The following SLC35F1 variants were observed in gnomAD, a reference collection of about 807,000 sequenced individuals.
SLC35F1 encodes chromosome 6 open reading frame 169.
SLC35F1 carries 14 observed loss-of-function variants against 48.7 expected under a neutral mutation model. The ratio of observed to expected loss-of-function variants is 0.29; its 90% CI spans 0.19 to 0.45. The LOEUF (loss-of-function observed/expected upper bound fraction) is 0.45. Ranked by LOEUF, SLC35F1 falls within the 20% of genes least tolerant of loss-of-function variation. The probability of loss-of-function intolerance (pLI) is 1.00; values close to 1 mark genes in which losing one functional copy is unlikely to be tolerated. For missense variants in SLC35F1, 404 were observed against 500.0 expected, an observed-to-expected ratio of 0.81 and a Z score of 1.83; for synonymous variants, 190 against 202.2, an observed-to-expected ratio of 0.94 and a Z score of 0.51.
At chr6:117,995,114 A>G (rs970314612) in intron 1 of SLC35F1, among the ~76,000 whole-genome samples, 10 of 152,226 alleles carry the variant, frequency 6.6e-5, no homozygotes, top group Non-Finnish European at 1.3e-4. Flanking sequence ...TACTACTAGA[A>G]TAATAACAGA....
intron 1 of SLC35F1, among the ~76,000 whole-genome samples, chr6:118,083,633 A>G (rs1716093164): frequency 6.6e-6 from 1 of 152,236 alleles, no homozygotes; most frequent in African/African-American, 2.4e-5. Context: ...AGGTCAAAAA[A>G]TAATTTAGTA....
At chr6:118,156,363 G>A (rs933456197) in intron 2 of SLC35F1, among the ~76,000 whole-genome samples, 2 of 152,144 alleles carry the variant, frequency 1.3e-5, no homozygotes, top group Non-Finnish European at 2.9e-5. Context: ...TCGGGGTGCA[G>A]CTTGGTTTTA....
intron 1 of SLC35F1, among the ~76,000 whole-genome samples, chr6:118,099,555 A>G (rs1201023847): frequency 6.8e-6 from 1 of 148,114 alleles, no homozygotes. Context: ...TCCTATACTC[A>G]GTGGTTACCA....
intron 2 of SLC35F1, among the ~76,000 whole-genome samples, chr6:118,183,147 A>G (rs1425304073): frequency 2.6e-5 from 4 of 152,186 alleles, no homozygotes; most frequent in Non-Finnish European, 2.9e-5. Flanking sequence ...AAATACCACT[A>G]GCAGTAAAGT....
At chr6:118,117,899 A>G (rs1009639060) in intron 1 of SLC35F1, among the ~76,000 whole-genome samples, 1 of 152,118 alleles carries the variant, frequency 6.6e-6, no homozygotes, top group Non-Finnish European at 1.5e-5. Flanking sequence ...GTGTTGTTGT[A>G]TGCATTACTA....
chr6:118,142,106 T>A (rs1454218989), intron 1 of SLC35F1, among the ~76,000 whole-genome samples: 1 of 152,216 alleles, frequency 6.6e-6, no homozygotes, highest in Non-Finnish European at 1.5e-5. Flanking sequence ...CTTAGGTTTA[T>A]AATCTGCCTG....
chr6:118,188,002 T>A (rs1003664794), intron 2 of SLC35F1, among the ~76,000 whole-genome samples: 2 of 152,252 alleles, frequency 1.3e-5, no homozygotes, highest in Non-Finnish European at 2.9e-5. Context: ...TAATACTGAA[T>A]GTGATTGCTT....
intron 1 of SLC35F1, among the ~76,000 whole-genome samples, chr6:118,102,825 A>G (rs1421262939): frequency 6.6e-6 from 1 of 152,218 alleles, no homozygotes; most frequent in Non-Finnish European, 1.5e-5. Context: ...ATCCTGAAGG[A>G]AAGCTGTAAA....
At chr6:118,280,435 C>T (rs1271631987) in intron 6 of SLC35F1, among the ~76,000 whole-genome samples, 1 of 152,104 alleles carries the variant, frequency 6.6e-6, no homozygotes. Context: ...CAGGGGCCTT[C>T]TTCACTTTTG....
intron 3 of SLC35F1, among the ~76,000 whole-genome samples, chr6:118,259,288 T>C (rs2114612262): frequency 6.6e-6 from 1 of 152,048 alleles, no homozygotes; most frequent in South Asian, 2.1e-4. Flanking sequence ...ATTGAACAAG[T>C]AAATAGCCAC....
intron 3 of SLC35F1, among the ~76,000 whole-genome samples, chr6:118,257,990 T>G (rs559641115): frequency 5.9e-4 from 90 of 152,300 alleles, no homozygotes; most frequent in African/African-American, 2.1e-3. Flanking sequence ...ATGTACTAAC[T>G]TTATTACACT....
intron 1 of SLC35F1, among the ~76,000 whole-genome samples, chr6:118,145,395 C>T (rs982336739): frequency 2.6e-5 from 4 of 152,062 alleles, no homozygotes; most frequent in African/African-American, 9.7e-5. Context: ...CTAAACTTTG[C>T]AAAGAAATAG....
intron 1 of SLC35F1, among the ~76,000 whole-genome samples, chr6:118,071,029 C>CGTGT (rs143774264): frequency 7.4e-4 from 6 of 8,102 alleles, no homozygotes; most frequent in African/African-American, 3.5e-3. Flanking sequence ...ATATATTCTA[C>CGTGT]GTGTATATAT....
intron 1 of SLC35F1, among the ~76,000 whole-genome samples, chr6:118,080,930 A>T (rs1772898241): frequency 6.6e-6 from 1 of 152,132 alleles, no homozygotes. Flanking sequence ...TGAAAATACT[A>T]ACTGCCAGCC....
chr6:118,038,346 G>C (rs978485548), intron 1 of SLC35F1, among the ~76,000 whole-genome samples: 2 of 151,374 alleles, frequency 1.3e-5, no homozygotes, highest in Admixed American at 1.3e-4. Context: ...AAACAACTTT[G>C]TTTAGCATTT....
chr6:118,262,911 A>T (rs187777969), intron 3 of SLC35F1, among the ~76,000 whole-genome samples: 72 of 151,754 alleles, frequency 4.7e-4, no homozygotes, highest in Non-Finnish European at 5.9e-4. Context: ...ATATAATGAG[A>T]CCCCATCTCT....
At chr6:118,004,879 G>A (rs1312170079) in intron 1 of SLC35F1, among the ~76,000 whole-genome samples, 1 of 151,896 alleles carries the variant, frequency 6.6e-6, no homozygotes, top group Non-Finnish European at 1.5e-5. Flanking sequence ...GTGTCTGTTA[G>A]GTGCTAGAGA....
intron 2 of SLC35F1, among the ~76,000 whole-genome samples, chr6:118,171,088 G>T (rs1774397335): frequency 6.6e-6 from 1 of 152,040 alleles, no homozygotes; most frequent in African/African-American, 2.4e-5. Flanking sequence ...CCAAGCTGGA[G>T]TGCAATGGCT....
At chr6:118,177,153 C>T (rs1774502350) in intron 2 of SLC35F1, among the ~76,000 whole-genome samples, 1 of 152,134 alleles carries the variant, frequency 6.6e-6, no homozygotes, top group African/African-American at 2.4e-5. Context: ...TCTTTAAGGA[C>T]TGCTGCATGC....
Sources: gnomAD v4.1 joint callset for allele counts (sites outside exome capture counted in the v4.1 genomes callset) on GRCh38, gnomAD v4.1.1 for gene constraint, MANE v1.5 for transcripts, NCBI Gene and HGNC (gene_info 2026-07-23, HGNC 2026-07-21) for gene names.